LRRC3B: variants seen among roughly 807,000 people sequenced by gnomAD.
LRRC3B encodes leucine-rich repeat-containing protein 3B.
Under a neutral mutation model 12.8 loss-of-function variants are expected in LRRC3B, and 2 were observed. That is an observed-to-expected ratio of 0.16 (90% CI 0.06 to 0.49). The LOEUF (loss-of-function observed/expected upper bound fraction) is 0.49, where lower values mean the gene tolerates loss of function less well. Ranked by LOEUF, LRRC3B falls within the 20% of genes least tolerant of loss-of-function variation. The pLI is 0.96. For synonymous variants in LRRC3B, 132 were observed against 122.0 expected (o/e 1.08, Z -0.54); for missense variants, 189 against 319.4 (o/e 0.59, Z 3.11).
intron 1 of LRRC3B, among the ~76,000 whole-genome samples, chr3:26,659,859 A>C (rs1699458112): frequency 6.6e-6 from 1 of 152,210 alleles, no homozygotes; most frequent in African/African-American, 2.4e-5. Flanking sequence ...CTGGGTTGAA[A>C]TGATTCTCTA....
rs117821906 is a variant in LRRC3B at position 26,637,935 on chromosome 3, T to C, written c.-161+14698T>C. ...TTTGAACTTGCCTGGTCTAGACTTG[T>C]AGCCTACATGTATATCATATTTCAA... On this transcript the variant is annotated intron_variant, in intron 1 of 1. Transcript: ENST00000396641. Among the ~76,000 whole-genome samples the C allele has an allele frequency of 1.1e-3, 166 of 152,362 alleles. 2 individuals are homozygous for C. The East Asian group carries it at 0.026, about 24-fold the overall frequency.
At chr3:26,664,296 AT>A (rs1559359289) in intron 1 of LRRC3B, among the ~76,000 whole-genome samples, 1 of 152,046 alleles carries the variant, frequency 6.6e-6, no homozygotes, top group East Asian at 1.9e-4. Flanking sequence ...TTTGGGTAAC[AT>A]TTTTTCCTAC....
At chr3:26,641,292 C>G (rs1375474666) in intron 1 of LRRC3B, among the ~76,000 whole-genome samples, 6 of 152,138 alleles carry the variant, frequency 3.9e-5, no homozygotes, top group Admixed American at 3.9e-4. Flanking sequence ...GAGCTGCACA[C>G]CCAGACTAGG....
At chr3:26,671,371 T>TAGAGAGAGAGAGAGAGAGAG (rs1207421811) in intron 1 of LRRC3B, among the ~76,000 whole-genome samples, 61 of 35,952 alleles carry the variant, frequency 1.7e-3, no homozygotes, top group Middle Eastern at 0.026. Context: ...TATATATATA[T>TAGAGAGAGAGAGAGAGAGAG]ATAGAGAGAG....
chr3:26,661,213 G>T (rs1455705806), intron 1 of LRRC3B, among the ~76,000 whole-genome samples: 1 of 152,106 alleles, frequency 6.6e-6, no homozygotes. Flanking sequence ...AAGTGTTATG[G>T]CTCCCAATGT....
At chr3:26,693,328 CA>C (rs71950080) in intron 1 of LRRC3B, among the ~76,000 whole-genome samples, 90 of 96,156 alleles carry the variant, frequency 9.4e-4, no homozygotes, top group Non-Finnish European at 1.2e-3. Context: ...AACTCCGTCT[CA>C]AAAAAAAAAA....
intron 1 of LRRC3B, among the ~76,000 whole-genome samples, chr3:26,637,877 A>G (rs899917571): frequency 6.6e-6 from 1 of 152,234 alleles, no homozygotes; most frequent in Non-Finnish European, 1.5e-5. Flanking sequence ...TTTGAATAAC[A>G]CATTTCAACA....
chr3:26,689,742 C>G (rs967226098), intron 1 of LRRC3B, among the ~76,000 whole-genome samples: 4 of 152,174 alleles, frequency 2.6e-5, no homozygotes, highest in African/African-American at 9.7e-5. Context: ...TTTTAGCCAT[C>G]CAGATCTTCA....
At chr3:26,629,993 C>G (rs974792726) in intron 1 of LRRC3B, among the ~76,000 whole-genome samples, 1 of 138,872 alleles carries the variant, frequency 7.2e-6, no homozygotes, top group African/African-American at 2.7e-5. Flanking sequence ...AAAAAAAAAT[C>G]TATCCAAAGG....
chr3:26,707,199 G>GAAAAA (rs34703302), intron 1 of LRRC3B, among the ~76,000 whole-genome samples: 1 of 129,988 alleles, frequency 7.7e-6, no homozygotes, highest in African/African-American at 3.1e-5. Flanking sequence ...TAAAAATACA[G>GAAAAA]AAAAAAAAAA....
intron 1 of LRRC3B, among the ~76,000 whole-genome samples, chr3:26,675,027 G>T: frequency 6.6e-6 from 1 of 152,132 alleles, no homozygotes; most frequent in East Asian, 1.9e-4. Context: ...GGTATCACAG[G>T]CAGAAAGAAC....
At chr3:26,682,082 C>G (rs1462424056) in intron 1 of LRRC3B, among the ~76,000 whole-genome samples, 1 of 151,940 alleles carries the variant, frequency 6.6e-6, no homozygotes, top group Admixed American at 6.6e-5. Context: ...GTCTCTCCCT[C>G]TCTCTCTCAG....
intron 1 of LRRC3B, among the ~76,000 whole-genome samples, chr3:26,626,928 T>C (rs895404621): frequency 6.6e-6 from 1 of 152,240 alleles, no homozygotes; most frequent in Non-Finnish European, 1.5e-5. Context: ...CAGGGAATTT[T>C]TCCTATCACA....
At chr3:26,670,916 CTTTTA>C in intron 1 of LRRC3B, among the ~76,000 whole-genome samples, 1 of 149,008 alleles carries the variant, frequency 6.7e-6, no homozygotes, top group East Asian at 2.1e-4. Flanking sequence ...TGCTTTAGTT[CTTTTA>C]TTTAATGTGT....
intron 1 of LRRC3B, among the ~76,000 whole-genome samples, chr3:26,647,024 G>A (rs1438189234): frequency 2.6e-5 from 4 of 151,978 alleles, no homozygotes; most frequent in African/African-American, 7.3e-5. Flanking sequence ...CTTTCCATCC[G>A]CTCCCTCAGC....
At position 26,681,344 on chromosome 3, in the gene LRRC3B, A is replaced by G. The variant is rs138652830; in HGVS notation, c.-160-28169A>G. On this transcript the variant is annotated intron_variant, in intron 1 of 1. Coordinates refer to ENST00000396641, the Ensembl canonical transcript of LRRC3B. ...TTTGAAAACTAAGGCTAAATTAAAT[A>G]TACTTATGAGAACATATTAGTAGCA... 2.6e-5 allele frequency among the ~76,000 whole-genome samples: 4 copies of G among 152,358 alleles called. No individual in the cohort carries two copies. The East Asian group carries it at 7.7e-4, about 29-fold the overall frequency.
exon 2 of LRRC3B, chr3:26,710,573 A>T: frequency 9.8e-7 from 1 of 1,023,574 alleles, no homozygotes; most frequent in Non-Finnish European, 1.4e-6. Flanking sequence ...TTTCTTTTGA[A>T]TTATGCCACT....
chr3:26,695,717 A>C (rs1414747443), intron 1 of LRRC3B, among the ~76,000 whole-genome samples: 1 of 151,318 alleles, frequency 6.6e-6, no homozygotes, highest in Non-Finnish European at 1.5e-5. Context: ...ATGTTATAGA[A>C]TCTGTAGATA....
chr3:26,644,008 C>T (rs987829603), intron 1 of LRRC3B, among the ~76,000 whole-genome samples: 8 of 152,078 alleles, frequency 5.3e-5, no homozygotes, highest in Admixed American at 1.3e-4. Context: ...TATACCACTG[C>T]GGTGTGAAAG....
Sources: gnomAD v4.1 joint callset for allele counts (sites outside exome capture counted in the v4.1 genomes callset) on GRCh38, gnomAD v4.1.1 for gene constraint, MANE v1.5 for transcripts, NCBI Gene and HGNC (gene_info 2026-07-23, HGNC 2026-07-21) for gene names.